The following WDR43 variants were observed in gnomAD, a reference collection of about 807,000 sequenced individuals.
The protein encoded by WDR43 is WD repeat-containing protein 43.
A neutral mutation model predicts 91.4 loss-of-function variants in WDR43; 13 were observed. The observed-to-expected ratio is 0.14, with a 90% confidence interval of 0.09 to 0.23. The LOEUF is 0.23. Among genes scored for constraint, WDR43 ranks in the 10% least tolerant of loss-of-function variants. The pLI, the probability that WDR43 is intolerant of heterozygous loss-of-function variation, is 1.00. For missense variants in WDR43, 780 were observed against 809.4 expected (o/e 0.96, Z 0.44); for synonymous variants, 331 against 287.9 (o/e 1.15, Z -1.51).
chr2:28,931,959 A>G (rs1300788455), intron 11 of WDR43, among the ~76,000 whole-genome samples: 1 of 146,698 alleles, frequency 6.8e-6, no homozygotes, highest in Non-Finnish European at 1.5e-5. Context: ...AGCTCACTGC[A>G]TGAACTCCTG....
In WDR43 at chr2:28,906,456, A is replaced by T; in HGVS notation, c.364-4A>T. 1 of 1,536,574 alleles carries T rather than the reference A, an allele frequency of 6.5e-7. No individual in the cohort carries two copies. Among genetic ancestry groups the T allele is most frequent in the Non-Finnish European group, 8.7e-7 (1 of 1,144,198 alleles). ...TAAATTTTTTTTTTTTTTTTAATCT[A>T]CAGAGTGGTGGACATGACAACAGAG... On this transcript the variant is annotated splice_polypyrimidine_tract_variant and splice_region_variant and intron_variant, in intron 2 of 17. Transcript: ENST00000407426.
rs373714845 is a variant in WDR43, at chr2:28,922,889, T to G, written c.850-30T>G. On this transcript the variant is annotated intron_variant, in intron 6 of 17. Coordinates refer to ENST00000407426, the MANE Select transcript of WDR43 (RefSeq NM_015131.3). ...TTGGGGACTGGAGTATGTTATCCAT[T>G]ATAATACGTTGGTTACATTTTTCTT... 6.7e-4 allele frequency: 1,072 copies of G among 1,603,304 alleles called. 1 individual carries two copies. Among genetic ancestry groups the G allele is most frequent in the Non-Finnish European group, 8.2e-4 (969 of 1,174,550 alleles).
chr2:28,920,224 C>CT (rs751048652), intron 6 of WDR43, among the ~76,000 whole-genome samples: 17,611 of 108,034 alleles, frequency 0.16, 2,466 homozygotes, highest in African/African-American at 0.25. Context: ...TTTTTTCTTT[C>CT]TTTTTTTTTT....
chr2:28,902,113 A>C lies in WDR43; in HGVS notation c.352A>C (p.Ser118Arg). 1 of 1,571,232 alleles carries C rather than the reference A, an allele frequency of 6.4e-7. No homozygotes were observed. The highest frequency in any genetic ancestry group is 1.9e-5 in the Admixed American group (1 of 51,554). Residue 118 changes from serine (S) to arginine (R), a missense_variant, in exon 2 of 18, where the codon AGT becomes CGT. Physicochemically the swap from Ser to Arg is moderately radical, Grantham distance 110 (BLOSUM62 -1). Transcript: ENST00000407426. The part of the protein sequence containing the change: ...LYSTVKGELH[S>R]KLISGGHDNR... ...CAGCACAGTAAAAGGAGAGTTACAC[A>C]GTAAATTAATAGTAAGTGTGTGTAT...
intron 10 of WDR43, 150 bp downstream of exon 10, chr2:28,927,850 G>T: frequency 9.3e-7 from 1 of 1,071,060 alleles, no homozygotes; most frequent in Non-Finnish European, 1.3e-6. Flanking sequence ...CACCATCATA[G>T]ATTTCATAAT....
rs568097650 is a variant in WDR43 at position 28,931,271 on chromosome 2, G to A, written c.1437+1561G>A. On this transcript the variant is annotated intron_variant, in intron 11 of 17. Transcript: ENST00000407426. ...TAATTTTTGTATTTTTAGTAGAGAT[G>A]GGGTTTCACCATGTTGGCCAGGCTG... 6.6e-5 allele frequency among the ~76,000 whole-genome samples: 10 copies of A among 152,134 alleles called. No homozygotes were observed. The South Asian group carries it at 2.1e-3, about 32-fold the overall frequency.
Position 28,926,530 on chromosome 2 carries a change from C to A in WDR43, c.1149C>A (p.Pro383=). Reference sequence around the variant, plus strand: ...GAGATATTTCAAACTGCTGGGCCCCCAAAGTAGAAACAGCTATAACAAAGG... The same window carrying A: ...GAGATATTTCAAACTGCTGGGCCCCAAAAGTAGAAACAGCTATAACAAAGG... The part of the protein sequence containing the change: ...LVRDISNCWA[P]KVETAITKVR... Residue 383 remains proline, a synonymous_variant, in exon 9 of 18, where the codon CCC becomes CCA. Coordinates refer to ENST00000407426, the MANE Select transcript of WDR43 (RefSeq NM_015131.3). The A allele has an allele frequency of 6.3e-7, 1 of 1,598,462 alleles. No homozygotes were observed. Among genetic ancestry groups the A allele is most frequent in the Non-Finnish European group, 8.5e-7 (1 of 1,171,590 alleles).
chr2:28,914,951 C>A (rs572648880), intron 5 of WDR43, among the ~76,000 whole-genome samples: 244 of 151,750 alleles, frequency 1.6e-3, no homozygotes, highest in Non-Finnish European at 2.6e-3. Flanking sequence ...TTTGGTGATA[C>A]AAAGTCATCA....
chr2:28,942,104 T>C (rs1671447935), intron 15 of WDR43, among the ~76,000 whole-genome samples: 1 of 152,194 alleles, frequency 6.6e-6, no homozygotes, highest in Non-Finnish European at 1.5e-5. Flanking sequence ...GATATTCTAA[T>C]CACCTCAGAG....
intron 3 of WDR43, 45 bp from the exon 4 acceptor site, chr2:28,912,545 T>G (rs1670821592): frequency 6.3e-7 from 1 of 1,588,182 alleles, no homozygotes; most frequent in Middle Eastern, 1.7e-4. Context: ...TGAGTAAAGT[T>G]TTCTCTCATG....
chr2:28,913,647 G>A, intron 4 of WDR43: 1 of 520,294 alleles, frequency 1.9e-6, no homozygotes, highest in Non-Finnish European at 3.8e-6. Flanking sequence ...TTTCACTCAG[G>A]GCTTACGGAA....
Position 28,916,838 on chromosome 2 carries a change from C to T in WDR43, c.747-1055C>T, listed in dbSNP as rs942323247. On this transcript the variant is annotated intron_variant, in intron 5 of 17. Coordinates refer to ENST00000407426, the MANE Select transcript of WDR43 (RefSeq NM_015131.3). Reference sequence around the variant, plus strand: ...TTATTTATATTGTAAAGGTAGCCAGCTTGTAACATTTTTGTCATTAATATA... The same window carrying T: ...TTATTTATATTGTAAAGGTAGCCAGTTTGTAACATTTTTGTCATTAATATA... 2.0e-5 allele frequency among the ~76,000 whole-genome samples: 3 copies of T among 151,956 alleles called. No homozygotes were observed. In the South Asian group the frequency reaches 6.2e-4, roughly 32 times the overall value.
At chr2:28,900,941 G>C (rs1670568957) in intron 1 of WDR43, among the ~76,000 whole-genome samples, 1 of 152,168 alleles carries the variant, frequency 6.6e-6, no homozygotes, top group African/African-American at 2.4e-5. Context: ...AAAATGGAAA[G>C]TGCTTTTTAA....
In WDR43 at chr2:28,947,210, T is replaced by G. The variant is rs1306887337; in HGVS notation, c.*431T>G. 6.6e-6 allele frequency: 1 copy of G among 152,490 alleles called. No homozygotes were observed. The highest frequency in any genetic ancestry group is 1.5e-5 in the Non-Finnish European group (1 of 68,308). The allele number at this position is 152,490 out of a possible 1,614,324, so 9.4% of individuals were successfully genotyped here. The stretch of plus-strand genomic sequence containing the variant: ...GATGCAAAGCAGCACTAGTGAAAAT[T>G]TTTTTAATTTAGTACATTTAATTTG... On this transcript the variant is annotated 3_prime_UTR_variant, in exon 18 of 18. Coordinates refer to ENST00000407426, the MANE Select transcript of WDR43 (RefSeq NM_015131.3).
chr2:28,933,157 T>C (rs1000329138), intron 11 of WDR43, among the ~76,000 whole-genome samples: 4 of 152,118 alleles, frequency 2.6e-5, no homozygotes, highest in African/African-American at 9.7e-5. Flanking sequence ...CTAAAATTTA[T>C]GTGGAAATGC....
Position 28,936,615 on chromosome 2 carries a change from A to T in WDR43, c.1525-307A>T, listed in dbSNP as rs546740863. Among the ~76,000 whole-genome samples the T allele has an allele frequency of 2.0e-5, 3 of 152,284 alleles. No homozygotes were observed. The East Asian group carries it at 5.8e-4, about 29-fold the overall frequency. ...CAAGTTGTGCAGTTGTCACCCCAAA[A>T]AGAAATCCTTTATCTATTAGCAGTC... On this transcript the variant is annotated intron_variant, in intron 12 of 17. Coordinates refer to ENST00000407426, the MANE Select transcript of WDR43 (RefSeq NM_015131.3).
At chr2:28,940,225 T>A (rs1433787444) in intron 14 of WDR43, among the ~76,000 whole-genome samples, 1 of 151,684 alleles carries the variant, frequency 6.6e-6, no homozygotes, top group Non-Finnish European at 1.5e-5. Flanking sequence ...CCAGCGTTGT[T>A]CTTTTTCTTT....
chr2:28,933,088 C>G (rs1488702504), intron 11 of WDR43, among the ~76,000 whole-genome samples: 2 of 152,096 alleles, frequency 1.3e-5, no homozygotes, highest in Non-Finnish European at 2.9e-5. Context: ...TTAATCCATT[C>G]TCAATTAAAA....
chr2:28,914,678 C>T (rs1162642284), intron 5 of WDR43, among the ~76,000 whole-genome samples: 2 of 152,180 alleles, frequency 1.3e-5, no homozygotes, highest in African/African-American at 4.8e-5. Context: ...TGCCTGTCAT[C>T]CCAGCACTTT....
Sources: allele counts gnomAD v4.1 joint callset (sites outside exome capture counted in the v4.1 genomes callset), GRCh38; gene constraint gnomAD v4.1.1; transcripts MANE v1.5; gene names NCBI Gene and HGNC (gene_info 2026-07-23, HGNC 2026-07-21).